The following CDH4 variants were observed in gnomAD, a reference collection of about 807,000 sequenced individuals.
The protein encoded by CDH4 is cadherin 4, also known as cadherin-4.
A neutral mutation model predicts 86.0 loss-of-function variants in CDH4; 33 were observed. The ratio of observed to expected loss-of-function variants is 0.38; its 90% CI spans 0.29 to 0.51. The LOEUF (loss-of-function observed/expected upper bound fraction) is 0.51. Ranked by LOEUF, CDH4 falls within the 20% of genes least tolerant of loss-of-function variation. The pLI is 0.86. For missense variants in CDH4, 1,114 were observed against 1,307.4 expected (o/e 0.85, Z 2.28); for synonymous variants, 555 against 549.4 (o/e 1.01, Z -0.14).
chr20:61,321,367 A>T (rs1302065607), intron 2 of CDH4, among the ~76,000 whole-genome samples: 2 of 152,224 alleles, frequency 1.3e-5, no homozygotes, highest in Non-Finnish European at 1.5e-5. Context: ...CTTAACAAAA[A>T]ACGGCTTGAT....
At chr20:61,867,505 A>G (rs905362009) in intron 6 of CDH4, among the ~76,000 whole-genome samples, 1 of 151,198 alleles carries the variant, frequency 6.6e-6, no homozygotes, top group African/African-American at 2.4e-5. Flanking sequence ...AACAAAGATC[A>G]TGCCACTGCC....
chr20:61,817,753 C>G (rs1182911226), intron 4 of CDH4, among the ~76,000 whole-genome samples: 1 of 152,234 alleles, frequency 6.6e-6, no homozygotes, highest in Non-Finnish European at 1.5e-5. Flanking sequence ...TCCGTTCCCA[C>G]CAGCAGGGAG....
intron 2 of CDH4, among the ~76,000 whole-genome samples, chr20:61,666,327 G>A (rs1600855096): frequency 6.6e-6 from 1 of 152,338 alleles, no homozygotes; most frequent in East Asian, 1.9e-4. Flanking sequence ...AAATTCACCT[G>A]AAGAAAAGCT....
Position 61,708,893 on chromosome 20 carries a change from C to T in CDH4, c.170-34670C>T, listed in dbSNP as rs891555814. On this transcript the variant is annotated intron_variant, in intron 2 of 15. Transcript: ENST00000614565. This position sits in a 1 kb window ranked among gnomAD's most constrained non-coding sequence, Gnocchi z 4.5. ...TCTTTTCCTGGTAATTTAGTTCTAT[C>T]GTATTTTACAAAGTATCAGCTTGTG... 2.6e-5 allele frequency among the ~76,000 whole-genome samples: 4 copies of T among 152,224 alleles called. No individual in the cohort carries two copies. The highest frequency in any genetic ancestry group is 1.3e-4 in the Admixed American group (2 of 15,284).
intron 2 of CDH4, among the ~76,000 whole-genome samples, chr20:61,434,060 A>G (rs557520701): frequency 1.3e-5 from 2 of 152,234 alleles, no homozygotes; most frequent in Non-Finnish European, 2.9e-5. Flanking sequence ...ACCCTCTAGC[A>G]TGTACCACTC....
chr20:61,773,079 A>G lies in CDH4; in HGVS notation c.473A>G (p.His158Arg), dbSNP rs2088796326. The G allele has an allele frequency of 6.2e-7, 1 of 1,613,608 alleles. No homozygotes were observed. Among genetic ancestry groups the G allele is most frequent in the Non-Finnish European group, 8.5e-7 (1 of 1,179,918 alleles). ...PKDTLLPWPQHQNANGLRRRK... is the reference protein window; with the variant it reads ...PKDTLLPWPQRQNANGLRRRK... ...GACACCCTGCTGCCGTGGCCCCAGC[A>G]CCAGAACGCCAACGGGCTGAGGCGG... The change falls in exon 4 of 16, where the codon CAC becomes CGC. Residue 158 changes from histidine (H) to arginine (R), a missense_variant. Physicochemically the swap from His to Arg is conservative, Grantham distance 29. Around this residue, in one of 3 missense-constraint regions of CDH4, gnomAD observed 221 missense variants for 209.5 expected, o/e 1.05. Coordinates refer to ENST00000614565, the MANE Select transcript of CDH4 (RefSeq NM_001794.5).
intron 2 of CDH4, among the ~76,000 whole-genome samples, chr20:61,367,229 C>T (rs28682574): frequency 0.015 from 2,262 of 148,392 alleles, 63 homozygotes; most frequent in African/African-American, 0.052. Context: ...CCTGAGATCA[C>T]ATTTCCTAAC....
intron 2 of CDH4, among the ~76,000 whole-genome samples, chr20:61,557,137 G>T (rs1395164200): frequency 6.6e-6 from 1 of 152,170 alleles, no homozygotes; most frequent in Non-Finnish European, 1.5e-5. Context: ...TACTAAAAAG[G>T]TCGGGATTGA....
At chr20:61,740,212 A>G (rs6061343) in intron 2 of CDH4, among the ~76,000 whole-genome samples, 29,155 of 152,178 alleles carry the variant, frequency 0.19, 3,098 homozygotes, top group African/African-American at 0.27. Flanking sequence ...TAGCCTAAGT[A>G]AAGAGGGAAA....
At chr20:61,406,048 A>T (rs1480130802) in intron 2 of CDH4, among the ~76,000 whole-genome samples, 1 of 152,222 alleles carries the variant, frequency 6.6e-6, no homozygotes, top group Non-Finnish European at 1.5e-5. Context: ...CACTTGTCCC[A>T]TAAACCCAGC....
intron 6 of CDH4, among the ~76,000 whole-genome samples, chr20:61,863,819 C>T (rs1169908020): frequency 6.6e-6 from 1 of 152,190 alleles, no homozygotes; most frequent in Non-Finnish European, 1.5e-5. Flanking sequence ...TGCCAAGCCC[C>T]ACCTGGCCTC....
At chr20:61,907,545 C>T (rs2054803853) in intron 8 of CDH4, among the ~76,000 whole-genome samples, 1 of 152,250 alleles carries the variant, frequency 6.6e-6, no homozygotes, top group African/African-American at 2.4e-5. Context: ...TCCCCCATGC[C>T]ATGATGCCTT....
chr20:61,833,712 A>G lies in CDH4; in HGVS notation c.577-10956A>G, dbSNP rs531501697. Reference sequence around the variant, plus strand: ...GCCCTTATAACTGACTGAGCACAGTACTCAGCCCCCATGGTGACTGAGCAC... The same window carrying G: ...GCCCTTATAACTGACTGAGCACAGTGCTCAGCCCCCATGGTGACTGAGCAC... On this transcript the variant is annotated intron_variant, in intron 4 of 15. Coordinates refer to ENST00000614565, the MANE Select transcript of CDH4 (RefSeq NM_001794.5). Among the ~76,000 whole-genome samples the G allele has an allele frequency of 2.2e-4, 34 of 152,224 alleles. 1 individual carries two copies. In the South Asian group the frequency reaches 6.4e-3, roughly 29 times the overall value.
intron 3 of CDH4, among the ~76,000 whole-genome samples, chr20:61,769,352 TG>T (rs2088746674): frequency 6.6e-6 from 1 of 152,218 alleles, no homozygotes; most frequent in Non-Finnish European, 1.5e-5. Flanking sequence ...GGGACCAGCC[TG>T]GGAGCTCAGA....
At position 61,439,057 on chromosome 20, in the gene CDH4, G is replaced by A. The variant is rs151200053; in HGVS notation, c.169+184120G>A. ...CCCCCCAAGCCTAGCATCTGCCTTC[G>A]GTGTTGACTCTTCTGACTGAATATA... On this transcript the variant is annotated intron_variant, in intron 2 of 15. Transcript: ENST00000614565. 4.6e-3 allele frequency among the ~76,000 whole-genome samples: 700 copies of A among 152,026 alleles called. 6 individuals carry two copies. The highest frequency in any genetic ancestry group is 6.3e-3 in the Non-Finnish European group (425 of 67,990).
intron 2 of CDH4, among the ~76,000 whole-genome samples, chr20:61,547,366 C>G (rs2086096146): frequency 6.6e-6 from 1 of 151,946 alleles, no homozygotes; most frequent in African/African-American, 2.4e-5. Context: ...GCACCTGCCA[C>G]TGCGCCCGGC....
intron 4 of CDH4, among the ~76,000 whole-genome samples, chr20:61,822,600 C>T (rs765963033): frequency 2.0e-5 from 3 of 152,142 alleles, no homozygotes; most frequent in Non-Finnish European, 4.4e-5. Flanking sequence ...GACACCATGG[C>T]GTCATCTGAG....
rs185419573 is a variant in CDH4 at position 61,277,939 on chromosome 20, G to A, written c.169+23002G>A. On this transcript the variant is annotated intron_variant, in intron 2 of 15. Transcript: ENST00000614565. ...TGGAACTGCAGGGTGGGTGCCGATC[G>A]GGCCTAATGGGCCCTCACATCTCAG... 1.6e-3 allele frequency among the ~76,000 whole-genome samples: 251 copies of A among 152,326 alleles called. 1 individual carries two copies. Among genetic ancestry groups the A allele is most frequent in the Non-Finnish European group, 2.0e-3 (134 of 68,028 alleles).
At chr20:61,678,675 A>G (rs2087473502) in intron 2 of CDH4, among the ~76,000 whole-genome samples, 1 of 152,182 alleles carries the variant, frequency 6.6e-6, no homozygotes, top group African/African-American at 2.4e-5. Flanking sequence ...GGGCAGGGCT[A>G]GCTCCCCCAG....
Sources: allele counts gnomAD v4.1 joint callset (sites outside exome capture counted in the v4.1 genomes callset), GRCh38; gene constraint gnomAD v4.1.1; regional missense constraint gnomAD v4.1.1; non-coding constraint Gnocchi (gnomAD v3.1); transcripts MANE v1.5; gene names NCBI Gene and HGNC (gene_info 2026-07-23, HGNC 2026-07-21).